TMEM132B: variants seen among roughly 807,000 people sequenced by gnomAD.
TMEM132B encodes the protein transmembrane protein 132B.
In TMEM132B, 18 loss-of-function variants were observed where a neutral mutation model predicts 90.8. The observed-to-expected ratio is 0.20, with a 90% CI of 0.14 to 0.29. The LOEUF is 0.29. Among genes scored for constraint, TMEM132B ranks in the 10% least tolerant of loss-of-function variants. The probability of loss-of-function intolerance (pLI) is 1.00; values close to 1 mark genes in which losing one functional copy is unlikely to be tolerated. For missense variants in TMEM132B, 1,096 were observed against 1,326.8 expected, an observed-to-expected ratio of 0.83 and a Z score of 2.70; for synonymous variants, 504 against 523.3, an observed-to-expected ratio of 0.96 and a Z score of 0.50.
rs1255574412 is a variant in TMEM132B, at chr12:125,659,767, A to G, written c.*5057A>G. 2.0e-5 allele frequency: 3 copies of G among 152,258 alleles called. No homozygotes were observed. Among genetic ancestry groups the G allele is most frequent in the Non-Finnish European group, 4.4e-5 (3 of 68,052 alleles). The allele number at this position is 152,258 out of a possible 1,614,324, so 9.4% of individuals were successfully genotyped here. A position where few individuals can be genotyped will look rare whatever the true frequency, so the allele number is the denominator to read the frequency against. On this transcript the variant is annotated 3_prime_UTR_variant, in exon 9 of 9. Coordinates refer to ENST00000682704, the MANE Select transcript of TMEM132B (RefSeq NM_001366854.1). ...TAGTCTTTCTCCAGGCCCTTCAGACATCATTCAGGTAACTGGGTGTAAACA... is the reference window on the plus strand; with the variant it reads ...TAGTCTTTCTCCAGGCCCTTCAGACGTCATTCAGGTAACTGGGTGTAAACA...
rs1248005789 is a variant in TMEM132B, at chr12:125,498,464, C to T, written c.1107-20975C>T. Among the ~76,000 whole-genome samples the T allele has an allele frequency of 6.6e-6, 1 of 152,178 alleles. No individual in the cohort carries two copies. Among genetic ancestry groups the T allele is most frequent in the Non-Finnish European group, 1.5e-5 (1 of 68,024 alleles). Reference sequence around the variant, plus strand: ...CTTTTGTTGGCTGGAGACATCTAACCATGTTGTTAGCATGTTTCAGAGACA... The same window carrying T: ...CTTTTGTTGGCTGGAGACATCTAACTATGTTGTTAGCATGTTTCAGAGACA... On this transcript the variant is annotated intron_variant, in intron 3 of 8. Coordinates refer to ENST00000682704, the MANE Select transcript of TMEM132B (RefSeq NM_001366854.1). This position sits in a 1 kb window ranked among gnomAD's most constrained non-coding sequence, Gnocchi z 4.5.
At chr12:125,208,133 C>T (rs972560667) in intron 1 of TMEM132B, among the ~76,000 whole-genome samples, 9 of 152,130 alleles carry the variant, frequency 5.9e-5, no homozygotes, top group Non-Finnish European at 1.3e-4. Flanking sequence ...TCACACAGAG[C>T]CAGAGCTTGA....
At chr12:125,321,796 A>C (rs1490955006) in intron 1 of TMEM132B, among the ~76,000 whole-genome samples, 2 of 152,112 alleles carry the variant, frequency 1.3e-5, no homozygotes, top group African/African-American at 4.8e-5. Context: ...AGTTTGCTTA[A>C]AAGTTAAGAT....
At chr12:125,247,824 C>G (rs1234338744) in intron 1 of TMEM132B, among the ~76,000 whole-genome samples, 1 of 152,218 alleles carries the variant, frequency 6.6e-6, no homozygotes, top group Non-Finnish European at 1.5e-5. Context: ...ACGTGCCGCC[C>G]CCACCTCCAG....
intron 1 of TMEM132B, among the ~76,000 whole-genome samples, chr12:125,240,275 C>T (rs751583106): frequency 1.3e-5 from 2 of 152,112 alleles, no homozygotes; most frequent in Non-Finnish European, 2.9e-5. Flanking sequence ...TGAACTGGGG[C>T]TGGTTTTGGC....
At chr12:125,333,588 T>G (rs1048487059) in intron 1 of TMEM132B, among the ~76,000 whole-genome samples, 10 of 151,944 alleles carry the variant, frequency 6.6e-5, no homozygotes, top group African/African-American at 2.4e-4. Flanking sequence ...TATATGTGAG[T>G]GTGAGAGCTG....
At chr12:125,274,794 ACTT>A (rs56689661) in intron 1 of TMEM132B, among the ~76,000 whole-genome samples, 2,432 of 152,268 alleles carry the variant, frequency 0.016, 67 homozygotes, top group African/African-American at 0.055. Flanking sequence ...GTCTCTGATA[ACTT>A]AAATGCCCAC....
intron 7 of TMEM132B, among the ~76,000 whole-genome samples, chr12:125,651,189 A>G (rs748836249): frequency 6.6e-6 from 1 of 152,226 alleles, no homozygotes; most frequent in Non-Finnish European, 1.5e-5. Flanking sequence ...AGGCTTTAGA[A>G]AAATATCTAA....
At chr12:125,307,990 TA>T (rs978314680) in intron 1 of TMEM132B, among the ~76,000 whole-genome samples, 6 of 132,992 alleles carry the variant, frequency 4.5e-5, no homozygotes, top group Admixed American at 4.0e-4. Context: ...TTAAGTAATA[TA>T]AATATATATA....
At chr12:125,594,303 A>G (rs936764778) in intron 5 of TMEM132B, among the ~76,000 whole-genome samples, 18 of 152,194 alleles carry the variant, frequency 1.2e-4, no homozygotes, top group Admixed American at 1.0e-3. Flanking sequence ...CAATCTATTG[A>G]TGGACATCTG....
chr12:125,581,211 T>C (rs1001578997), intron 4 of TMEM132B, among the ~76,000 whole-genome samples: 2 of 152,216 alleles, frequency 1.3e-5, no homozygotes, highest in African/African-American at 2.4e-5. Context: ...GGCTGTGAGC[T>C]TCTACAAGGT....
chr12:125,488,645 C>T (rs940116547), intron 3 of TMEM132B, among the ~76,000 whole-genome samples: 2 of 152,194 alleles, frequency 1.3e-5, no homozygotes, highest in African/African-American at 2.4e-5. Flanking sequence ...TCCCCAGCCA[C>T]GTGGAACTGT....
At chr12:125,453,356 G>A (rs997510047) in intron 3 of TMEM132B, among the ~76,000 whole-genome samples, 1 of 152,122 alleles carries the variant, frequency 6.6e-6, no homozygotes, top group Non-Finnish European at 1.5e-5. Flanking sequence ...GCTGGGCCAA[G>A]TATCAGAGGA....
rs79669258 is a variant in TMEM132B at position 125,497,580 on chromosome 12, G to A, written c.1107-21859G>A. On this transcript the variant is annotated intron_variant, in intron 3 of 8. Transcript: ENST00000682704. ...TACTTATTGTTCCTTTTGAACCCTC[G>A]GTAAGTGTTGACTGTGGACTGTCCA... 7.0e-4 allele frequency among the ~76,000 whole-genome samples: 107 copies of A among 152,232 alleles called. No homozygotes were observed. In the East Asian group the frequency reaches 0.019, roughly 27 times the overall value.
rs115103346 is a variant in TMEM132B at position 125,569,095 on chromosome 12, C to T, written c.1294-14756C>T. ...GGGTAATGACAGTAGCTGCTCTGGGCATTGCTCTTTCTGTCTCAGTGTCTA... is the reference window on the plus strand; with the variant it reads ...GGGTAATGACAGTAGCTGCTCTGGGTATTGCTCTTTCTGTCTCAGTGTCTA... On this transcript the variant is annotated intron_variant, in intron 4 of 8. Transcript: ENST00000682704. 3.1e-3 allele frequency among the ~76,000 whole-genome samples: 465 copies of T among 152,208 alleles called. 1 individual carries two copies. Among genetic ancestry groups the T allele is most frequent in the African/African-American group, 0.011 (461 of 41,532 alleles).
At chr12:125,280,133 C>CT (rs750352831) in intron 1 of TMEM132B, among the ~76,000 whole-genome samples, 32 of 152,312 alleles carry the variant, frequency 2.1e-4, no homozygotes, top group Non-Finnish European at 4.3e-4. Context: ...ACTTGGGATC[C>CT]TCCAAAAACG....
intron 1 of TMEM132B, among the ~76,000 whole-genome samples, chr12:125,338,561 C>CTCCTTT (rs1363562927): frequency 2.6e-5 from 4 of 152,184 alleles, no homozygotes; most frequent in African/African-American, 7.2e-5. Flanking sequence ...ATCTGTTACT[C>CTCCTTT]TCCTTTTTTG....
chr12:125,420,207 G>A (rs1178439407), intron 3 of TMEM132B, among the ~76,000 whole-genome samples: 1 of 152,218 alleles, frequency 6.6e-6, no homozygotes, highest in Non-Finnish European at 1.5e-5. Context: ...GACTCTGTGT[G>A]GGGGCTTCCA....
At chr12:125,480,285 A>G (rs1882003152) in intron 3 of TMEM132B, among the ~76,000 whole-genome samples, 1 of 152,204 alleles carries the variant, frequency 6.6e-6, no homozygotes, top group Admixed American at 6.5e-5. Context: ...AGATAGAGAC[A>G]CAAAAAACCC....
Sources: gnomAD v4.1 joint callset for allele counts (sites outside exome capture counted in the v4.1 genomes callset) on GRCh38, gnomAD v4.1.1 for gene constraint, Gnocchi (gnomAD v3.1) non-coding constraint, MANE v1.5 for transcripts, NCBI Gene and HGNC (gene_info 2026-07-23, HGNC 2026-07-21) for gene names.